The following GPHN variants were observed in gnomAD, a reference collection of about 807,000 sequenced individuals.
GPHN encodes the protein gephyrin.
Under a neutral mutation model 95.5 loss-of-function variants are expected in GPHN, and 17 were observed. The ratio of observed to expected loss-of-function variants is 0.18; its 90% CI spans 0.12 to 0.27. The LOEUF (loss-of-function observed/expected upper bound fraction) is 0.27. GPHN is among the 10% of genes least tolerant of loss of function. The pLI is 1.00. For missense variants in GPHN, 660 were observed against 978.1 expected, an observed-to-expected ratio of 0.67 and a Z score of 4.34; for synonymous variants, 320 against 322.5, an observed-to-expected ratio of 0.99 and a Z score of 0.08.
chr14:66,520,812 C>T (rs971627651), intron 1 of GPHN, among the ~76,000 whole-genome samples: 2 of 152,028 alleles, frequency 1.3e-5, no homozygotes, highest in African/African-American at 4.8e-5. Flanking sequence ...CACCTAGCTA[C>T]TAAGCCTGGT....
the GPHN span, chr14:67,364,987 A>G: frequency 2.5e-6 from 4 of 1,607,898 alleles, no homozygotes. Context: ...TGTGGTTGTC[A>G]TTAGGGTGGA....
chr14:66,683,122 C>T (rs566397111), intron 2 of GPHN, among the ~76,000 whole-genome samples: 2 of 151,226 alleles, frequency 1.3e-5, no homozygotes, highest in Non-Finnish European at 1.5e-5. Flanking sequence ...CCTAACCTGC[C>T]ATTATCCTCT....
At chr14:66,708,010 A>G (rs2069255277) in intron 2 of GPHN, among the ~76,000 whole-genome samples, 1 of 152,154 alleles carries the variant, frequency 6.6e-6, no homozygotes, top group Non-Finnish European at 1.5e-5. Flanking sequence ...TAAAGTTTCA[A>G]AAGCTGGAGG....
At chr14:67,134,953 C>CTTTTTTTTTTTTTTTTTTTTTTT (rs57933607) in intron 17 of GPHN, among the ~76,000 whole-genome samples, 7 of 45,252 alleles carry the variant, frequency 1.5e-4, no homozygotes, top group Non-Finnish European at 2.5e-4. Context: ...TTTCTTTCTT[C>CTTTTTTTTTTTTTTTTTTTTTTT]TTTTTTTTTT....
At chr14:67,128,885 G>T (rs2079511392) in intron 17 of GPHN, among the ~76,000 whole-genome samples, 1 of 151,158 alleles carries the variant, frequency 6.6e-6, no homozygotes, top group Admixed American at 6.6e-5. Flanking sequence ...TGCGATCTCA[G>T]CTCACTGAAA....
the GPHN span, among the ~76,000 whole-genome samples, chr14:67,478,580 A>C: frequency 6.6e-6 from 1 of 152,202 alleles, no homozygotes; most frequent in Non-Finnish European, 1.5e-5. Context: ...CCATGAGTGG[A>C]TCTTCAACAT....
the GPHN span, among the ~76,000 whole-genome samples, chr14:67,325,979 CTTTTTTTT>C: frequency 1.7e-4 from 19 of 110,222 alleles, no homozygotes; most frequent in Non-Finnish European, 3.0e-4. Flanking sequence ...CGGCTCTTTT[CTTTTTTTT>C]TTTTTTTTTT....
chr14:67,627,252 A>C, the GPHN span, among the ~76,000 whole-genome samples: 2 of 64,428 alleles, frequency 3.1e-5, no homozygotes, highest in South Asian at 1.4e-3. Flanking sequence ...GTGATCAGTA[A>C]GGAGATATAT....
chr14:66,977,749 C>T (rs1198194705), intron 9 of GPHN, among the ~76,000 whole-genome samples: 1 of 152,108 alleles, frequency 6.6e-6, no homozygotes, highest in Non-Finnish European at 1.5e-5. Flanking sequence ...AATTATTTCA[C>T]AATATACATT....
chr14:66,848,097 C>A (rs957027232), intron 4 of GPHN, among the ~76,000 whole-genome samples: 1 of 152,026 alleles, frequency 6.6e-6, no homozygotes, highest in African/African-American at 2.4e-5. Flanking sequence ...AAACCACCAC[C>A]AGACTTTTTG....
chr14:66,838,479 T>C (rs1304934668), intron 4 of GPHN, among the ~76,000 whole-genome samples: 2 of 152,168 alleles, frequency 1.3e-5, no homozygotes, highest in Non-Finnish European at 2.9e-5. Context: ...TGTTTTAGCT[T>C]GAATTTATCA....
the GPHN span, chr14:67,390,892 A>G: frequency 1.4e-6 from 1 of 716,780 alleles, no homozygotes; most frequent in Admixed American, 1.9e-5. Context: ...AAACCTGAGG[A>G]TAGCAATGAC....
the GPHN span, among the ~76,000 whole-genome samples, chr14:67,366,375 T>A: frequency 2.0e-5 from 3 of 152,208 alleles, no homozygotes; most frequent in African/African-American, 7.2e-5. Context: ...CTCAGCCTTC[T>A]TTTTCTATTG....
chr14:66,546,008 C>T (rs2059577906), intron 1 of GPHN, among the ~76,000 whole-genome samples: 1 of 149,532 alleles, frequency 6.7e-6, no homozygotes, highest in Admixed American at 6.6e-5. Context: ...CTCCTCACTT[C>T]TCAGACGGGG....
At chr14:67,697,989 G>A in the GPHN span, among the ~76,000 whole-genome samples, 1 of 152,202 alleles carries the variant, frequency 6.6e-6, no homozygotes, top group Non-Finnish European at 1.5e-5. Flanking sequence ...AGGTTGACAT[G>A]TTCTTACACT....
the GPHN span, among the ~76,000 whole-genome samples, chr14:67,694,407 C>A: frequency 6.6e-6 from 1 of 150,678 alleles, no homozygotes; most frequent in Non-Finnish European, 1.5e-5. Context: ...CATAACCCTG[C>A]TGAGTTGGGA....
the GPHN span, among the ~76,000 whole-genome samples, chr14:67,191,499 C>T: frequency 6.6e-6 from 1 of 152,138 alleles, no homozygotes; most frequent in Non-Finnish European, 1.5e-5. Flanking sequence ...TTTTCAGATT[C>T]CCACTCTCTC....
chr14:67,255,325 T>G, the GPHN span, among the ~76,000 whole-genome samples: 1 of 152,198 alleles, frequency 6.6e-6, no homozygotes, highest in African/African-American at 2.4e-5. Flanking sequence ...AGTTTGTCAT[T>G]GTGAGTTATT....
the GPHN span, chr14:67,271,052 A>T: frequency 6.6e-6 from 1 of 152,132 alleles, no homozygotes; most frequent in African/African-American, 2.4e-5. Context: ...TCATTTTTTG[A>T]GTTTGAAGTT....
Sources: gnomAD v4.1 joint callset for allele counts (sites outside exome capture counted in the v4.1 genomes callset) on GRCh38, gnomAD v4.1.1 for gene constraint, MANE v1.5 for transcripts, NCBI Gene and HGNC (gene_info 2026-07-23, HGNC 2026-07-21) for gene names.